The following HS2ST1 variants were observed in gnomAD, a reference collection of about 807,000 sequenced individuals.
HS2ST1 encodes the protein heparan sulfate 2-O-sulfotransferase 1.
Under a neutral mutation model 42.9 loss-of-function variants are expected in HS2ST1, and 18 were observed. The observed-to-expected ratio is 0.42, with a 90% CI of 0.29 to 0.62. The LOEUF is 0.62. HS2ST1 is among the 20% of genes least tolerant of loss of function. The pLI is 0.21. For missense variants in HS2ST1, 334 were observed against 433.8 expected (o/e 0.77, Z 2.04); for synonymous variants, 146 against 152.9 (o/e 0.95, Z 0.33).
At chr1:87,009,118 G>A (rs72953486) in intron 1 of HS2ST1, among the ~76,000 whole-genome samples, 8,899 of 152,208 alleles carry the variant, frequency 0.058, 384 homozygotes, top group African/African-American at 0.12. Flanking sequence ...GTAGGCATGA[G>A]CCACCCCATA....
At position 87,105,595 on chromosome 1, in the gene HS2ST1, AC is replaced by A. The variant is rs1485917900; in HGVS notation, c.*900del. On this transcript the variant is annotated 3_prime_UTR_variant, in exon 7 of 7. Coordinates refer to ENST00000370550, the MANE Select transcript of HS2ST1 (RefSeq NM_012262.4). ...GTACTTTTACCTGTAGACTATTTTT[AC>A]TAAGGTGCTTTATAATGTGTTTTAA... The A allele has an allele frequency of 6.6e-6, 1 of 152,434 alleles. No homozygotes were observed. The highest frequency in any genetic ancestry group is 1.5e-5 in the Non-Finnish European group (1 of 67,914). 9.4% of individuals were successfully genotyped at this position (152,434 alleles called of 1,614,324 possible).
At chr1:87,086,973 A>G (rs1044117261) in intron 3 of HS2ST1, among the ~76,000 whole-genome samples, 1 of 151,880 alleles carries the variant, frequency 6.6e-6, no homozygotes, top group Non-Finnish European at 1.5e-5. Flanking sequence ...TAGGTTGGAC[A>G]TTTTCAAAAT....
chr1:87,058,402 G>A (rs1396650097), intron 1 of HS2ST1, among the ~76,000 whole-genome samples: 1 of 151,546 alleles, frequency 6.6e-6, no homozygotes, highest in Non-Finnish European at 1.5e-5. Flanking sequence ...TCAAGAGACT[G>A]TTAGTCATTT....
chr1:86,965,101 A>T (rs1178945128), intron 1 of HS2ST1, among the ~76,000 whole-genome samples: 1 of 152,224 alleles, frequency 6.6e-6, no homozygotes, highest in Non-Finnish European at 1.5e-5. Context: ...TGTTTCAAAA[A>T]GGATTTTATG....
chr1:87,035,041 T>C (rs924266530), intron 1 of HS2ST1, among the ~76,000 whole-genome samples: 2 of 152,272 alleles, frequency 1.3e-5, no homozygotes, highest in South Asian at 2.1e-4. Flanking sequence ...GATTTTAAGA[T>C]GCTGTGCAGC....
At chr1:86,963,537 G>T (rs1647919408) in intron 1 of HS2ST1, among the ~76,000 whole-genome samples, 1 of 152,198 alleles carries the variant, frequency 6.6e-6, no homozygotes, top group Admixed American at 6.5e-5. Context: ...ACAAAATGGA[G>T]TCTCCTATGT....
chr1:87,079,390 G>A (rs906553133), intron 2 of HS2ST1, among the ~76,000 whole-genome samples: 7 of 152,108 alleles, frequency 4.6e-5, no homozygotes, highest in Admixed American at 6.5e-5. Flanking sequence ...CACCCGCCTC[G>A]GCTTTCCAAA....
intron 1 of HS2ST1, among the ~76,000 whole-genome samples, chr1:86,976,251 A>G (rs1040957773): frequency 1.3e-5 from 2 of 152,236 alleles, no homozygotes; most frequent in Admixed American, 6.5e-5. Flanking sequence ...CCACATTTAT[A>G]TTTAAATAGG....
intron 1 of HS2ST1, among the ~76,000 whole-genome samples, chr1:86,962,819 A>T (rs1647887341): frequency 6.6e-6 from 1 of 152,220 alleles, no homozygotes; most frequent in South Asian, 2.1e-4. Context: ...GGATTGGAAC[A>T]TACAGTTTTA....
intron 1 of HS2ST1, among the ~76,000 whole-genome samples, chr1:87,042,026 A>T (rs569955512): frequency 6.5e-4 from 99 of 152,268 alleles, no homozygotes; most frequent in African/African-American, 2.1e-3. Context: ...AATTTTTTTT[A>T]AAAGCATTTT....
chr1:87,015,175 A>T (rs1649714448), intron 1 of HS2ST1, among the ~76,000 whole-genome samples: 1 of 151,964 alleles, frequency 6.6e-6, no homozygotes. Flanking sequence ...CAGCCTCCCG[A>T]GTAGCTGGGA....
chr1:86,981,217 G>A (rs1648582449), intron 1 of HS2ST1, among the ~76,000 whole-genome samples: 1 of 152,082 alleles, frequency 6.6e-6, no homozygotes, highest in Admixed American at 6.5e-5. Flanking sequence ...CTCAACATGT[G>A]GGGATTACAG....
At position 86,921,326 on chromosome 1, in the gene HS2ST1, T is replaced by C. The variant is rs148653371; in HGVS notation, c.124+6166T>C. Among the ~76,000 whole-genome samples, 694 of 152,306 alleles carry C rather than the reference T, an allele frequency of 4.6e-3. 4 individuals are homozygous for C. Among genetic ancestry groups the C allele is most frequent in the Middle Eastern group, 0.02 (6 of 294 alleles). Reference sequence around the variant, plus strand: ...ACTTTTTGCTTCATGTATTTTGAAGTGCTGTGATTAAGTATATGCACATTT... The same window carrying C: ...ACTTTTTGCTTCATGTATTTTGAAGCGCTGTGATTAAGTATATGCACATTT... On this transcript the variant is annotated intron_variant, in intron 1 of 6. Transcript: ENST00000370550.
chr1:87,015,663 T>C (rs1369690215), intron 1 of HS2ST1, among the ~76,000 whole-genome samples: 1 of 151,242 alleles, frequency 6.6e-6, no homozygotes, highest in Non-Finnish European at 1.5e-5. Context: ...ATTTTTTATG[T>C]TGAGTGTTTC....
intron 1 of HS2ST1, among the ~76,000 whole-genome samples, chr1:87,007,823 G>A (rs1026825718): frequency 1.3e-5 from 2 of 152,040 alleles, no homozygotes; most frequent in African/African-American, 4.8e-5. Flanking sequence ...TCTCCTTGAA[G>A]TGCTGTGTTT....
chr1:87,016,703 T>C (rs188638957), intron 1 of HS2ST1, among the ~76,000 whole-genome samples: 39 of 152,270 alleles, frequency 2.6e-4, no homozygotes, highest in African/African-American at 8.7e-4. Context: ...ACACACTAAA[T>C]TGAATGTAGC....
intron 5 of HS2ST1, among the ~76,000 whole-genome samples, chr1:87,102,305 A>C (rs1257950169): frequency 6.6e-6 from 1 of 151,974 alleles, no homozygotes; most frequent in African/African-American, 2.4e-5. Flanking sequence ...TGACCCGCCC[A>C]CCTTGGCCTC....
chr1:87,104,708 G>A lies in HS2ST1; in HGVS notation c.*12G>A, dbSNP rs1652292121. 2 of 1,523,502 alleles carry A rather than the reference G, an allele frequency of 1.3e-6. No homozygotes were observed. Among genetic ancestry groups the A allele is most frequent in the East Asian group, 2.3e-5 (1 of 44,362 alleles). 94.4% of individuals were successfully genotyped at this position (1,523,502 alleles called of 1,614,324 possible). ...CTAAGTCGAACTGAGTATAAGGTGTGACTATTGGATTCTTGAACTAAAATT... is the reference window on the plus strand; with the variant it reads ...CTAAGTCGAACTGAGTATAAGGTGTAACTATTGGATTCTTGAACTAAAATT... On this transcript the variant is annotated 3_prime_UTR_variant, in exon 7 of 7. Coordinates refer to ENST00000370550, the MANE Select transcript of HS2ST1 (RefSeq NM_012262.4).
chr1:87,046,854 G>A (rs542766767), intron 1 of HS2ST1, among the ~76,000 whole-genome samples: 1 of 144,436 alleles, frequency 6.9e-6, no homozygotes, highest in East Asian at 2.1e-4. Flanking sequence ...GGGATTATAG[G>A]CACCCACCAC....
Sources: allele counts gnomAD v4.1 joint callset (sites outside exome capture counted in the v4.1 genomes callset), GRCh38; gene constraint gnomAD v4.1.1; transcripts MANE v1.5; gene names NCBI Gene and HGNC (gene_info 2026-07-23, HGNC 2026-07-21).